ARMC5: variants seen among roughly 807,000 people sequenced by gnomAD.
ARMC5 encodes armadillo repeat-containing protein 5.
In ARMC5, 28 loss-of-function variants were observed where a neutral mutation model predicts 60.5. The ratio of observed to expected loss-of-function variants is 0.46; its 90% confidence interval spans 0.34 to 0.63. The LOEUF (loss-of-function observed/expected upper bound fraction) is 0.63, where lower values mean the gene tolerates loss of function less well. Ranked by LOEUF, ARMC5 falls within the 30% of genes least tolerant of loss-of-function variation. The pLI is 0.01. For synonymous variants in ARMC5, 680 were observed against 607.3 expected (o/e 1.12, Z -1.76); for missense variants, 1,189 against 1,304.9 (o/e 0.91, Z 1.37).
At chr16:31,460,875 G>A (rs2082298513) in intron 1 of ARMC5, among the ~76,000 whole-genome samples, 1 of 152,226 alleles carries the variant, frequency 6.6e-6, no homozygotes, top group Admixed American at 6.5e-5. Flanking sequence ...GTGCCTCCTA[G>A]TGGCAATGTG....
chr16:31,458,597 G>A, upstream of ARMC5: 2 of 1,466,864 alleles, frequency 1.4e-6, no homozygotes, highest in Non-Finnish European at 1.8e-6. Flanking sequence ...CAGGTTTTGG[G>A]GCTTGTAGAC....
rs1374599527 is a variant in ARMC5, at chr16:31,459,774, C to G, written c.250C>G (p.Pro84Ala). The G allele has an allele frequency of 1.3e-6, 2 of 1,538,418 alleles. No individual in the cohort carries two copies. Among genetic ancestry groups the G allele is most frequent in the Non-Finnish European group, 1.7e-6 (2 of 1,149,638 alleles). ...GCGAGCGGCTGCAGCGGGTTCCGCCCCGTCCCAGGCAGGCCCCGGCTCCGC... is the reference window on the plus strand; with the variant it reads ...GCGAGCGGCTGCAGCGGGTTCCGCCGCGTCCCAGGCAGGCCCCGGCTCCGC... ...LRRAAAAGSA[P>A]SQAGPGSAPS... The change falls in exon 1 of 6, where the codon CCG becomes GCG. Residue 84 changes from proline (P) to alanine (A), a missense_variant. Pro to Ala is a conservative substitution (Grantham distance 27). This residue lies in a region of ARMC5 where 327 missense variants were observed against 233.7 expected (regional missense o/e 1.40). Coordinates refer to ENST00000268314, the MANE Select transcript of ARMC5 (RefSeq NM_001105247.2).
upstream of ARMC5, chr16:31,458,789 G>C: frequency 6.6e-7 from 1 of 1,519,634 alleles, no homozygotes; most frequent in Non-Finnish European, 8.8e-7. Context: ...GCCCCGTCCG[G>C]ATTCTCCCTC....
rs1337228825 is a variant in ARMC5 at position 31,464,939 on chromosome 16, C to T, written c.1864+52C>T. 1.2e-6 allele frequency: 2 copies of T among 1,612,096 alleles called. No homozygotes were observed. The highest frequency in any genetic ancestry group is 1.7e-6 in the Non-Finnish European group (2 of 1,179,330). On this transcript the variant is annotated intron_variant, in intron 4 of 5. Transcript: ENST00000268314. This position sits in a 1 kb window ranked among gnomAD's most constrained non-coding sequence, Gnocchi z 7.6. ...TTGCCCCCATGTGAGTCCCCATCCT[C>T]CCCCATGGCTTCCATGGGCCCAGAA... is the stretch of plus-strand genomic sequence containing the variant.
In ARMC5 at chr16:31,462,313, T is replaced by C; in HGVS notation, c.766T>C (p.Leu256=). The C allele has an allele frequency of 6.2e-7, 1 of 1,610,570 alleles. No individual in the cohort carries two copies. Among genetic ancestry groups the C allele is most frequent in the South Asian group, 1.1e-5 (1 of 91,066 alleles). Residue 256 remains leucine (L), a synonymous_variant, in exon 3 of 6, where the codon TTA becomes CTA. Coordinates refer to ENST00000268314, the MANE Select transcript of ARMC5 (RefSeq NM_001105247.2). This position sits in a 1 kb window ranked among gnomAD's most constrained non-coding sequence, Gnocchi z 7.2. The part of the protein sequence containing the change: ...LATAPDAALT[L]ALVRALLELS... ...CACTGCCCCAGATGCTGCACTGACC[T>C]TAGCCCTCGTCCGTGCCCTCCTGGA... is the stretch of plus-strand genomic sequence containing the variant.
intron 4 of ARMC5, chr16:31,465,364 G>A (rs2082346953): frequency 7.4e-7 from 1 of 1,358,898 alleles, no homozygotes. Context: ...ATAACAGAAG[G>A]CTCGCACTCT....
chr16:31,460,009 C>A lies in ARMC5; in HGVS notation c.475+10C>A, dbSNP rs747668287. 1 of 1,593,828 alleles carries A rather than the reference C, an allele frequency of 6.3e-7. No homozygotes were observed. Reference sequence around the variant, plus strand: ...GGCATACTCCCTTTGGGTAAGTGCTCCGCCCCCGTTTCCTAGAAAGATTAG... The same window carrying A: ...GGCATACTCCCTTTGGGTAAGTGCTACGCCCCCGTTTCCTAGAAAGATTAG... On this transcript the variant is annotated intron_variant, in intron 1 of 5. Transcript: ENST00000268314.
At chr16:31,460,299 T>G in intron 1 of ARMC5, 1 of 382,464 alleles carries the variant, frequency 2.6e-6, no homozygotes, top group Non-Finnish European at 4.7e-6. Flanking sequence ...CAGATGATTC[T>G]TACCGTCCAG....
Position 31,459,627 on chromosome 16 carries a change from A to G in ARMC5, c.103A>G (p.Thr35Ala), listed in dbSNP as rs1218562122. Residue 35 changes from threonine to alanine, a missense_variant, in exon 1 of 6, where the codon ACC (threonine) becomes GCC (alanine). Around this residue, in one of 2 missense-constraint regions of ARMC5, gnomAD observed 327 missense variants for 233.7 expected, o/e 1.40. Coordinates refer to ENST00000268314, the MANE Select transcript of ARMC5 (RefSeq NM_001105247.2). ...TCTGGGTGGGGAAAAGGACCCAGCG[A>G]CCAACGAGACACCCCTGAGCCGCGC... ...EALGGEKDPA[T>A]NETPLSRALL... The G allele has an allele frequency of 3.8e-6, 6 of 1,597,500 alleles. No homozygotes were observed. Among genetic ancestry groups the G allele is most frequent in the East Asian group, 2.2e-5 (1 of 44,824 alleles).
At position 31,462,642 on chromosome 16, in the gene ARMC5, G is replaced by A; in HGVS notation, c.1095G>A (p.Leu365=). 6.2e-7 allele frequency: 1 copy of A among 1,613,720 alleles called. No individual in the cohort carries two copies. The highest frequency in any genetic ancestry group is 8.5e-7 in the Non-Finnish European group (1 of 1,180,024). The change falls in exon 3 of 6, where the codon CTG becomes CTA. Residue 365 remains leucine, a synonymous_variant. Transcript: ENST00000268314. The surrounding 1 kb of genome is among the most constrained non-coding windows in gnomAD (Gnocchi z 7.2). ...GTGAGGCCATCAACCGGGCCCGACT[G>A]CGGGATGCTGGTGGCTTGGATCTAC... ...LCREAINRAR[L]RDAGGLDLLM...
chr16:31,464,584 C>T lies in ARMC5; in HGVS notation c.1561C>T (p.Arg521Cys), dbSNP rs1480166770. ...CGCCGCCATCGAGGAGCCTTGGGGA[C>T]GCGAAGGGCCAGCCCTGCTGCTGCT... The part of the protein sequence containing the change: ...PAAAIEEPWG[R>C]EGPALLLLSR... The change falls in exon 4 of 6, where the codon CGC (arginine) becomes TGC (cysteine). Residue 521 changes from arginine to cysteine, a missense_variant. By Grantham distance (180) the Arg-to-Cys change is radical. This residue lies in a region of ARMC5 where 862 missense variants were observed against 1,071.2 expected (regional missense o/e 0.80). Transcript: ENST00000268314. This position sits in a 1 kb window ranked among gnomAD's most constrained non-coding sequence, Gnocchi z 7.6. 16 of 1,583,818 alleles carry T rather than the reference C, an allele frequency of 1.0e-5. No individual in the cohort carries two copies. Among genetic ancestry groups the T allele is most frequent in the African/African-American group, 1.3e-5 (1 of 74,434 alleles).
At chr16:31,459,241 A>T, upstream of ARMC5, 2 of 1,532,844 alleles carry the variant, frequency 1.3e-6, no homozygotes, top group Non-Finnish European at 1.7e-6. Context: ...AGGGCCCTGG[A>T]AGAGTTTCCA....
chr16:31,466,517 G>A lies in ARMC5; in HGVS notation c.2436G>A (p.Gly812=). Residue 812 remains glycine, a synonymous_variant, in exon 6 of 6, where the codon GGG becomes GGA. Transcript: ENST00000268314. The surrounding 1 kb of genome is among the most constrained non-coding windows in gnomAD (Gnocchi z 8.0). ...PVLHHLHGCR[G]CGAALGPVPP... ...TGCATCATTTGCATGGTTGTCGGGG[G>A]TGTGGGGCTGCCCTGGGGCCCGTGC... 3.1e-6 allele frequency: 5 copies of A among 1,609,232 alleles called. No homozygotes were observed. The highest frequency in any genetic ancestry group is 4.2e-6 in the Non-Finnish European group (5 of 1,179,614).
At chr16:31,465,142 A>G (rs369727617) in intron 4 of ARMC5, 2 of 1,613,336 alleles carry the variant, frequency 1.2e-6, no homozygotes, top group Non-Finnish European at 8.5e-7. Context: ...CCCCGCGCCC[A>G]GGATCTGGGC....
chr16:31,464,977 A>C lies in ARMC5; in HGVS notation c.1864+90A>C, dbSNP rs1192688534. The C allele has an allele frequency of 1.2e-6, 2 of 1,607,910 alleles. No individual in the cohort carries two copies. The highest frequency in any genetic ancestry group is 2.7e-5 in the African/African-American group (2 of 73,986). ...CATGGGCCCAGAACCTCACCTTCCC[A>C]CTCACCTGTCCTCCCCAGCCCGTCC... On this transcript the variant is annotated intron_variant, in intron 4 of 5. Coordinates refer to ENST00000268314, the MANE Select transcript of ARMC5 (RefSeq NM_001105247.2). This position sits in a 1 kb window ranked among gnomAD's most constrained non-coding sequence, Gnocchi z 7.6.
At position 31,461,999 on chromosome 16, in the gene ARMC5, C is replaced by A; in HGVS notation, c.553C>A (p.Pro185Thr). The A allele has an allele frequency of 3.7e-6, 6 of 1,614,168 alleles. No homozygotes were observed. Among genetic ancestry groups the A allele is most frequent in the East Asian group, 2.2e-5 (1 of 44,878 alleles). ...TGCCCTGGGGAACTTAGCCATGGAACCTGAGAGCTGTGGGGACATCCACTG... is the reference window on the plus strand; with the variant it reads ...TGCCCTGGGGAACTTAGCCATGGAAACTGAGAGCTGTGGGGACATCCACTG... ...ARALGNLAME[P>T]ESCGDIHCAG... Residue 185 changes from proline to threonine, a missense_variant, in exon 2 of 6, where the codon CCT becomes ACT. Pro to Thr is a conservative substitution (Grantham distance 38). This residue lies in a region of ARMC5 where 862 missense variants were observed against 1,071.2 expected (regional missense o/e 0.80). Coordinates refer to ENST00000268314, the MANE Select transcript of ARMC5 (RefSeq NM_001105247.2).
upstream of ARMC5, chr16:31,459,273 A>G: frequency 6.5e-7 from 1 of 1,534,222 alleles, no homozygotes; most frequent in Non-Finnish European, 8.7e-7. Context: ...GGTAGGCGTG[A>G]GAAGCTCGAC....
Position 31,464,497 on chromosome 16 carries a change from GCCCCGA to G in ARMC5, c.1483_1488del (p.Pro495_Thr496del). ...GGAGCCCATGGAGCCGGCCAGCCCCGCCCCGACCCCGACCTCGCTGCGGGCACCACG... is the reference window on the plus strand; with the variant it reads ...GGAGCCCATGGAGCCGGCCAGCCCCGCCCCGACCTCGCTGCGGGCACCACG... On this transcript the variant is annotated inframe_deletion, in exon 4 of 6. Transcript: ENST00000268314. The surrounding 1 kb of genome is among the most constrained non-coding windows in gnomAD (Gnocchi z 7.6). 2 of 1,607,766 alleles carry G rather than the reference GCCCCGA, an allele frequency of 1.2e-6. No individual in the cohort carries two copies. Among genetic ancestry groups the G allele is most frequent in the East Asian group, 2.2e-5 (1 of 44,660 alleles).
At position 31,464,292 on chromosome 16, in the gene ARMC5, TAAAAAAAAAAAA is replaced by T. The variant is rs537788230; in HGVS notation, c.1371-89_1371-78del. The T allele has an allele frequency of 1.2e-5, 6 of 499,410 alleles. No individual in the cohort carries two copies. The highest frequency in any genetic ancestry group is 7.4e-5 in the African/African-American group (3 of 40,614). The allele number at this position is 499,410 out of a possible 1,614,324, so 30.9% of individuals were successfully genotyped here. A position where few individuals can be genotyped will look rare whatever the true frequency, so the allele number is the denominator to read the frequency against. Reference sequence around the variant, plus strand: ...GCTATAGAGGGATACCACATTTCTTTAAAAAAAAAAAAAAAAAAAAAAAAGACGCCTCACGCC... The same window carrying T: ...GCTATAGAGGGATACCACATTTCTTTAAAAAAAAAAAAGACGCCTCACGCC... On this transcript the variant is annotated intron_variant, in intron 3 of 5. Transcript: ENST00000268314. The surrounding 1 kb of genome is among the most constrained non-coding windows in gnomAD (Gnocchi z 7.6).
Sources: allele counts gnomAD v4.1 joint callset (sites outside exome capture counted in the v4.1 genomes callset), GRCh38; gene constraint gnomAD v4.1.1; regional missense constraint gnomAD v4.1.1; non-coding constraint Gnocchi (gnomAD v3.1); transcripts MANE v1.5; gene names NCBI Gene and HGNC (gene_info 2026-07-23, HGNC 2026-07-21).